Variants in FAM171A1 observed in about 807,000 individuals in gnomAD.
FAM171A1 encodes protein FAM171A1.
A neutral mutation model predicts 74.9 loss-of-function variants in FAM171A1; 23 were observed. The ratio of observed to expected loss-of-function variants is 0.31; its 90% CI spans 0.22 to 0.44. The LOEUF is 0.44. Ranked by LOEUF, FAM171A1 falls within the 20% of genes least tolerant of loss-of-function variation. The pLI, the probability that FAM171A1 is intolerant of heterozygous loss-of-function variation, is 1.00. For synonymous variants in FAM171A1, 527 were observed against 505.7 expected (o/e 1.04, Z -0.57); for missense variants, 1,162 against 1,159.2 (o/e 1.00, Z -0.03).
chr10:15,226,534 C>T (rs180678497), intron 5 of FAM171A1, among the ~76,000 whole-genome samples: 4 of 152,256 alleles, frequency 2.6e-5, no homozygotes, highest in South Asian at 2.1e-4. Context: ...ATCCCCAGGA[C>T]ACCTCCTGAA....
intron 1 of FAM171A1, among the ~76,000 whole-genome samples, chr10:15,322,881 T>C (rs1370002635): frequency 2.0e-5 from 3 of 152,246 alleles, no homozygotes; most frequent in Non-Finnish European, 4.4e-5. Context: ...GACTCATGTC[T>C]GTAATCCCAG....
chr10:15,310,653 G>T (rs1835349250), intron 1 of FAM171A1, among the ~76,000 whole-genome samples: 1 of 152,106 alleles, frequency 6.6e-6, no homozygotes. Flanking sequence ...CTTGAGGTCT[G>T]GAGTTCGAGA....
chr10:15,287,589 C>T (rs997392034), intron 1 of FAM171A1, among the ~76,000 whole-genome samples: 2 of 151,678 alleles, frequency 1.3e-5, no homozygotes, highest in African/African-American at 2.4e-5. Flanking sequence ...GCTTTCACCA[C>T]GTTGGCCGGG....
chr10:15,267,032 G>T (rs574091345), intron 3 of FAM171A1, among the ~76,000 whole-genome samples: 1 of 152,194 alleles, frequency 6.6e-6, no homozygotes, highest in South Asian at 2.1e-4. Context: ...GCAGTTTAGC[G>T]CACGGTGTGT....
intron 1 of FAM171A1, among the ~76,000 whole-genome samples, chr10:15,346,073 C>T (rs1835814492): frequency 6.6e-6 from 1 of 152,094 alleles, no homozygotes; most frequent in African/African-American, 2.4e-5. Context: ...GGTGGAGGGG[C>T]TCTCCCATCA....
At position 15,221,049 on chromosome 10, in the gene FAM171A1, T is replaced by C. The variant is rs755415757; in HGVS notation, c.766A>G (p.Lys256Glu). Residue 256 changes from lysine (K) to glutamate (E), a missense_variant, in exon 6 of 8, where the codon AAG becomes GAG. Coordinates refer to ENST00000378116, the MANE Select transcript of FAM171A1 (RefSeq NM_001010924.2). Reference sequence around the variant, plus strand: ...TGGTGCACAAGACCCAGACCGCTCTTCAGCCACGTTCCTGTGGAATTGAGA... The same window carrying C: ...TGGTGCACAAGACCCAGACCGCTCTCCAGCCACGTTCCTGTGGAATTGAGA... ...RFDQKLGTWL[K>E]SGLGLVHQEG... 14 of 1,613,854 alleles carry C rather than the reference T, an allele frequency of 8.7e-6. No homozygotes were observed. In the African/African-American group the frequency reaches 1.7e-4, roughly 20 times the overall value.
At chr10:15,266,695 C>T (rs958686667) in intron 3 of FAM171A1, among the ~76,000 whole-genome samples, 1 of 151,720 alleles carries the variant, frequency 6.6e-6, no homozygotes, top group African/African-American at 2.4e-5. Flanking sequence ...GCGAGACCCC[C>T]GTCTCTACTA....
chr10:15,216,668 G>C (rs960626536), intron 6 of FAM171A1, among the ~76,000 whole-genome samples: 1 of 151,868 alleles, frequency 6.6e-6, no homozygotes, highest in Non-Finnish European at 1.5e-5. Flanking sequence ...TCCTGAGTTC[G>C]AGCAATCCAC....
chr10:15,212,229 G>A lies in FAM171A1; in HGVS notation c.*686C>T, dbSNP rs942908635. On this transcript the variant is annotated 3_prime_UTR_variant, in exon 8 of 8. Transcript: ENST00000378116. ...TCTTAGCTGATACAGATTTCAGTAC[G>A]ATTTCATTAAAAGGCTTGGATGTTA... 4 of 152,774 alleles carry A rather than the reference G, an allele frequency of 2.6e-5. No individual in the cohort carries two copies. Among genetic ancestry groups the A allele is most frequent in the African/African-American group, 9.7e-5 (4 of 41,430 alleles). The allele number at this position is 152,774 out of a possible 1,614,324, so 9.5% of individuals were successfully genotyped here. A position where few individuals can be genotyped will look rare whatever the true frequency, so the allele number is the denominator to read the frequency against.
chr10:15,330,901 T>A (rs1028069628), intron 1 of FAM171A1, among the ~76,000 whole-genome samples: 4 of 151,402 alleles, frequency 2.6e-5, no homozygotes, highest in African/African-American at 4.9e-5. Flanking sequence ...ATTTTATTTT[T>A]TTTTTGAGAT....
chr10:15,308,906 T>C (rs1216863344), intron 1 of FAM171A1, among the ~76,000 whole-genome samples: 1 of 151,986 alleles, frequency 6.6e-6, no homozygotes, highest in Admixed American at 6.6e-5. Context: ...CCTCAAGTGA[T>C]CCACCCGCCT....
chr10:15,302,229 C>CA (rs910810873), intron 1 of FAM171A1, among the ~76,000 whole-genome samples: 5 of 152,042 alleles, frequency 3.3e-5, no homozygotes, highest in African/African-American at 1.2e-4. Context: ...TTTGGGAGGC[C>CA]AACGTGGGTG....
intron 5 of FAM171A1, among the ~76,000 whole-genome samples, chr10:15,223,983 C>T (rs1478625179): frequency 6.6e-6 from 1 of 152,186 alleles, no homozygotes; most frequent in African/African-American, 2.4e-5. Flanking sequence ...CATATATAGA[C>T]CCCACCAGAC....
chr10:15,289,128 G>A (rs1043009095), intron 1 of FAM171A1, among the ~76,000 whole-genome samples: 1 of 151,884 alleles, frequency 6.6e-6, no homozygotes, highest in Non-Finnish European at 1.5e-5. Flanking sequence ...GGCCTGATTC[G>A]GTAATTCTTA....
At chr10:15,302,551 C>T (rs1835244116) in intron 1 of FAM171A1, among the ~76,000 whole-genome samples, 1 of 149,790 alleles carries the variant, frequency 6.7e-6, no homozygotes, top group Non-Finnish European at 1.5e-5. Flanking sequence ...TCATTCTAGA[C>T]TGTGCCACAT....
chr10:15,330,140 G>A (rs1171401063), intron 1 of FAM171A1, among the ~76,000 whole-genome samples: 3 of 152,098 alleles, frequency 2.0e-5, no homozygotes, highest in South Asian at 4.1e-4. Context: ...TCAGGAGTTC[G>A]AGATCAGCCT....
chr10:15,324,916 T>C (rs1835532724), intron 1 of FAM171A1, among the ~76,000 whole-genome samples: 1 of 152,204 alleles, frequency 6.6e-6, no homozygotes, highest in African/African-American at 2.4e-5. Flanking sequence ...ACATGTGCAG[T>C]GACTCGTTAC....
At position 15,247,269 on chromosome 10, in the gene FAM171A1, ATTGG is replaced by A. The variant is rs1419388918; in HGVS notation, c.754+1366_754+1369del. On this transcript the variant is annotated intron_variant, in intron 5 of 7. Transcript: ENST00000378116. ...ACAAATGTATTTTTATGTATATATT[ATTGG>A]TTGATTGAGTGAGTGAGTGGTCTCG... is the stretch of plus-strand genomic sequence containing the variant. Among the ~76,000 whole-genome samples the A allele has an allele frequency of 2.0e-5, 3 of 152,294 alleles. No individual in the cohort carries two copies. The East Asian group carries it at 5.8e-4, about 29-fold the overall frequency.
intron 6 of FAM171A1, among the ~76,000 whole-genome samples, chr10:15,219,831 C>T (rs764298643): frequency 5.9e-5 from 9 of 152,206 alleles, no homozygotes; most frequent in Non-Finnish European, 1.0e-4. Context: ...CCGCCCTCCT[C>T]GGCTTCCCAA....
Sources: gnomAD v4.1 joint callset for allele counts (sites outside exome capture counted in the v4.1 genomes callset) on GRCh38, gnomAD v4.1.1 for gene constraint, MANE v1.5 for transcripts, NCBI Gene and HGNC (gene_info 2026-07-23, HGNC 2026-07-21) for gene names.